MAPT: variants seen among roughly 807,000 people sequenced by gnomAD.
MAPT encodes the protein microtubule-associated protein tau.
Under a neutral mutation model 67.9 loss-of-function variants are expected in MAPT, and 34 were observed. The observed-to-expected ratio is 0.50, with a 90% confidence interval of 0.38 to 0.67. MAPT has a LOEUF of 0.67. Ranked by LOEUF, MAPT falls within the 30% of genes least tolerant of loss-of-function variation. MAPT has a pLI of 0.00. For synonymous variants in MAPT, 456 were observed against 464.5 expected, an observed-to-expected ratio of 0.98 and a Z score of 0.23; for missense variants, 881 against 1,115.2, an observed-to-expected ratio of 0.79 and a Z score of 2.99.
rs1597830824 is a variant in MAPT at position 45,902,628 on chromosome 17, C to T, written c.-18+7942C>T. On this transcript the variant is annotated intron_variant, in intron 1 of 12. Coordinates refer to ENST00000262410, the MANE Select transcript of MAPT (RefSeq NM_001377265.1). Reference sequence around the variant, plus strand: ...GGCATTCTCCCCGCCCATCTTCTGTCTGTCTGCCAGGACTAGCACAGCACT... The same window carrying T: ...GGCATTCTCCCCGCCCATCTTCTGTTTGTCTGCCAGGACTAGCACAGCACT... Among the ~76,000 whole-genome samples the T allele has an allele frequency of 7.9e-5, 12 of 152,306 alleles. No individual in the cohort carries two copies. In the South Asian group the frequency reaches 2.5e-3, roughly 32 times the overall value.
In MAPT at chr17:46,010,364, T is replaced by C; in HGVS notation, c.2053T>C (p.Ser685Pro). ...DLSNVQSKCG[S>P]KDNIKHVPGG... Reference sequence around the variant, plus strand: ...TAGCAACGTCCAGTCCAAGTGTGGCTCAAAGGATAATATCAAACACGTCCC... The same window carrying C: ...TAGCAACGTCCAGTCCAAGTGTGGCCCAAAGGATAATATCAAACACGTCCC... The change falls in exon 10 of 13, where the codon TCA becomes CCA. Residue 685 changes from serine to proline, a missense_variant. By Grantham distance (74) the Ser-to-Pro change is moderately conservative (BLOSUM62 -1). This residue lies in a region of MAPT where 34 missense variants were observed against 51.2 expected (regional missense o/e 0.66). Transcript: ENST00000262410. This position sits in a 1 kb window ranked among gnomAD's most constrained non-coding sequence, Gnocchi z 4.7. 6.3e-7 allele frequency: 1 copy of C among 1,583,640 alleles called. No individual in the cohort carries two copies. The highest frequency in any genetic ancestry group is 8.6e-7 in the Non-Finnish European group (1 of 1,163,880).
At chr17:45,965,803 G>A (rs1381936270) in intron 2 of MAPT, among the ~76,000 whole-genome samples, 1 of 152,148 alleles carries the variant, frequency 6.6e-6, no homozygotes, top group Non-Finnish European at 1.5e-5. Context: ...CTACTTATAA[G>A]GGATCTACCT....
intron 1 of MAPT, among the ~76,000 whole-genome samples, chr17:45,934,620 T>C (rs1355847779): frequency 6.6e-6 from 1 of 152,220 alleles, no homozygotes; most frequent in Non-Finnish European, 1.5e-5. Flanking sequence ...TCAGCACAGA[T>C]GCAGGCGTGG....
chr17:45,989,802 A>C (rs2073916433), intron 6 of MAPT, 76 bp from the exon 7 acceptor site: 1 of 1,310,078 alleles, frequency 7.6e-7, no homozygotes, highest in Non-Finnish European at 1.1e-6. Flanking sequence ...ATTTTTAGTT[A>C]CTGTCCTTTT....
rs749827621 is a variant in MAPT, at chr17:45,996,568, C to G, written c.1902C>G (p.Arg634=). The change falls in exon 9 of 13, where the codon CGC becomes CGG. Residue 634 remains arginine, a synonymous_variant. Coordinates refer to ENST00000262410, the MANE Select transcript of MAPT (RefSeq NM_001377265.1). The surrounding 1 kb of genome is among the most constrained non-coding windows in gnomAD (Gnocchi z 4.5). ...PPKSPSSAKS[R]LQTAPVPMPD... is the part of the protein sequence containing the mutation. ...AGTCGCCGTCTTCCGCCAAGAGCCG[C>G]CTGCAGACAGCCCCCGTGCCCATGC... The G allele has an allele frequency of 3.1e-6, 5 of 1,613,800 alleles. No individual in the cohort carries two copies. The highest frequency in any genetic ancestry group is 4.2e-6 in the Non-Finnish European group (5 of 1,179,874).
At chr17:45,938,204 C>T (rs976475020) in intron 1 of MAPT, among the ~76,000 whole-genome samples, 1 of 152,224 alleles carries the variant, frequency 6.6e-6, no homozygotes, top group Non-Finnish European at 1.5e-5. Flanking sequence ...ATAGGTGTCA[C>T]TGGGCTGAAA....
chr17:45,911,637 G>A (rs865801244), intron 1 of MAPT, among the ~76,000 whole-genome samples: 31 of 152,144 alleles, frequency 2.0e-4, no homozygotes, highest in Middle Eastern at 3.4e-3. Context: ...GGCGGTGTGC[G>A]CTTGTAGTCC....
intron 1 of MAPT, among the ~76,000 whole-genome samples, chr17:45,911,548 G>A (rs564903429): frequency 2.6e-5 from 4 of 152,256 alleles, no homozygotes; most frequent in Non-Finnish European, 5.9e-5. Flanking sequence ...ATCACTTGAG[G>A]CCAGGAGTCC....
intron 1 of MAPT, among the ~76,000 whole-genome samples, chr17:45,948,648 T>C (rs975839681): frequency 1.3e-5 from 2 of 152,218 alleles, no homozygotes; most frequent in Non-Finnish European, 2.9e-5. Context: ...CTGGCTCCAT[T>C]ACATACTTCC....
At chr17:45,947,787 C>T (rs1244270154) in intron 1 of MAPT, among the ~76,000 whole-genome samples, 1 of 152,206 alleles carries the variant, frequency 6.6e-6, no homozygotes, top group Admixed American at 6.5e-5. Context: ...CCTTTGTCCT[C>T]GTCTTTCCCC....
chr17:45,992,514 G>A (rs576787346), intron 8 of MAPT, among the ~76,000 whole-genome samples: 2 of 152,274 alleles, frequency 1.3e-5, no homozygotes, highest in South Asian at 4.2e-4. Context: ...CGTTGCCCTG[G>A]GCTCCTGTGA....
At chr17:46,006,155 C>T (rs1401552362) in intron 9 of MAPT, among the ~76,000 whole-genome samples, 1 of 152,136 alleles carries the variant, frequency 6.6e-6, no homozygotes, top group Non-Finnish European at 1.5e-5. Flanking sequence ...GATTGCAGGG[C>T]TATTCACAAT....
At chr17:45,966,362 T>A (rs2071079622) in intron 2 of MAPT, among the ~76,000 whole-genome samples, 1 of 152,082 alleles carries the variant, frequency 6.6e-6, no homozygotes, top group Admixed American at 6.6e-5. Context: ...CTGAGGCAGG[T>A]GGATTGCTTG....
intron 1 of MAPT, among the ~76,000 whole-genome samples, chr17:45,954,473 A>G (rs184824271): frequency 6.5e-4 from 99 of 152,136 alleles, no homozygotes; most frequent in African/African-American, 2.2e-3. Context: ...AATACAAAAC[A>G]TTAGCCAGGC....
chr17:45,909,900 C>T (rs192220777), intron 1 of MAPT, among the ~76,000 whole-genome samples: 25 of 143,868 alleles, frequency 1.7e-4, no homozygotes, highest in African/African-American at 6.3e-4. Context: ...AAAAGCCATG[C>T]CTGGTGGAGC....
chr17:45,991,781 C>CTTTT (rs1299153080), intron 8 of MAPT, among the ~76,000 whole-genome samples, 195 bp downstream of exon 8: 1 of 143,194 alleles, frequency 7.0e-6, no homozygotes, highest in African/African-American at 2.6e-5. Flanking sequence ...GAATCCCTAC[C>CTTTT]TTTTTTTTTT....
Position 46,024,434 on chromosome 17 carries a change from T to G in MAPT, c.*263T>G. The stretch of plus-strand genomic sequence containing the variant: ...ATTTAAAAAAAAACATTCAAAAACA[T>G]GGCCACATCCAACATTTCCTCAGGC... On this transcript the variant is annotated 3_prime_UTR_variant, in exon 13 of 13. Coordinates refer to ENST00000262410, the MANE Select transcript of MAPT (RefSeq NM_001377265.1). The G allele has an allele frequency of 1.8e-6, 1 of 558,924 alleles. No individual in the cohort carries two copies. Among genetic ancestry groups the G allele is most frequent in the Non-Finnish European group, 3.2e-6 (1 of 311,594 alleles). The allele number at this position is 558,924 out of a possible 1,614,324, so 34.6% of individuals were successfully genotyped here.
At chr17:45,960,037 T>G in intron 1 of MAPT, among the ~76,000 whole-genome samples, 1 of 152,210 alleles carries the variant, frequency 6.6e-6, no homozygotes, top group Non-Finnish European at 1.5e-5. Context: ...TTTTAATGCA[T>G]AGAATAAAAG....
chr17:45,923,707 A>C (rs1380173068), intron 1 of MAPT, among the ~76,000 whole-genome samples: 1 of 152,090 alleles, frequency 6.6e-6, no homozygotes, highest in Non-Finnish European at 1.5e-5. Flanking sequence ...ACAGAACCTA[A>C]CTCTTACCTC....
Sources: allele counts gnomAD v4.1 joint callset (sites outside exome capture counted in the v4.1 genomes callset), GRCh38; gene constraint gnomAD v4.1.1; regional missense constraint gnomAD v4.1.1; non-coding constraint Gnocchi (gnomAD v3.1); transcripts MANE v1.5; gene names NCBI Gene and HGNC (gene_info 2026-07-23, HGNC 2026-07-21).